Variants in KIF16B observed in about 807,000 individuals in gnomAD.
KIF16B encodes the protein kinesin-like protein KIF16B.
In KIF16B, 98 loss-of-function variants were observed where a neutral mutation model predicts 156.3. The observed-to-expected ratio is 0.63, with a 90% CI of 0.53 to 0.74. The LOEUF is 0.74. Among genes scored for constraint, KIF16B ranks in the 30% least tolerant of loss-of-function variants. The pLI, the probability that KIF16B is intolerant of heterozygous loss-of-function variation, is 0.00. For synonymous variants in KIF16B, 564 were observed against 583.7 expected, an observed-to-expected ratio of 0.97 and a Z score of 0.49; for missense variants, 1,421 against 1,606.5, an observed-to-expected ratio of 0.88 and a Z score of 1.97.
intron 1 of KIF16B, among the ~76,000 whole-genome samples, chr20:16,550,707 C>T (rs898829786): frequency 2.6e-5 from 4 of 151,516 alleles, no homozygotes; most frequent in Non-Finnish European, 5.9e-5. Context: ...CTAATTTTTT[C>T]TATTTTTTGT....
chr20:16,344,766 G>A (rs974529758), intron 23 of KIF16B, among the ~76,000 whole-genome samples: 9 of 152,168 alleles, frequency 5.9e-5, no homozygotes, highest in Admixed American at 3.9e-4. Context: ...CATTCTCTGC[G>A]ATGAGTATTT....
At chr20:16,396,483 T>C (rs2065504421) in intron 17 of KIF16B, among the ~76,000 whole-genome samples, 1 of 151,904 alleles carries the variant, frequency 6.6e-6, no homozygotes, top group Non-Finnish European at 1.5e-5. Flanking sequence ...TTAATCCATC[T>C]TGGTAAAAGA....
At chr20:16,414,982 T>C (rs773217596) in intron 15 of KIF16B, among the ~76,000 whole-genome samples, 1 of 152,146 alleles carries the variant, frequency 6.6e-6, no homozygotes, top group Non-Finnish European at 1.5e-5. Flanking sequence ...TAAGGTAGGA[T>C]AGACTAAGCT....
chr20:16,393,782 C>G (rs1448490533), intron 17 of KIF16B, among the ~76,000 whole-genome samples: 2 of 152,120 alleles, frequency 1.3e-5, no homozygotes, highest in Non-Finnish European at 2.9e-5. Flanking sequence ...AAAATTTGGA[C>G]TGAGTTTGGT....
At chr20:16,312,284 A>G (rs1461632064) in intron 25 of KIF16B, 51 bp downstream of exon 25, 13 of 1,309,946 alleles carry the variant, frequency 9.9e-6, no homozygotes, top group Non-Finnish European at 1.4e-5. Flanking sequence ...CTTACCGGTC[A>G]GATGGTACAT....
intron 17 of KIF16B, among the ~76,000 whole-genome samples, chr20:16,389,034 AAC>A (rs1440373802): frequency 6.6e-6 from 1 of 152,144 alleles, no homozygotes; most frequent in African/African-American, 2.4e-5. Context: ...ACCCCCTGGC[AAC>A]AGAGGCGGTC....
At chr20:16,404,642 T>C (rs1405687756) in intron 17 of KIF16B, among the ~76,000 whole-genome samples, 171 bp downstream of exon 17, 1 of 152,122 alleles carries the variant, frequency 6.6e-6, no homozygotes, top group Non-Finnish European at 1.5e-5. Context: ...CTAAGTAAAA[T>C]TATGCACATA....
chr20:16,349,941 T>G (rs544319870), intron 23 of KIF16B, among the ~76,000 whole-genome samples: 13 of 152,200 alleles, frequency 8.5e-5, no homozygotes, highest in Non-Finnish European at 1.9e-4. Context: ...TGCCACTGAC[T>G]GGGGTACTTG....
At chr20:16,337,271 G>T (rs572099546) in intron 23 of KIF16B, among the ~76,000 whole-genome samples, 2 of 152,056 alleles carry the variant, frequency 1.3e-5, no homozygotes, top group Non-Finnish European at 2.9e-5. Flanking sequence ...TGATTCTCCC[G>T]CAGGTAAATC....
intron 1 of KIF16B, among the ~76,000 whole-genome samples, chr20:16,545,573 G>A (rs2070375253): frequency 6.6e-6 from 1 of 152,154 alleles, no homozygotes; most frequent in Admixed American, 6.5e-5. Context: ...GCTGAGGCAG[G>A]AGAATTGCTT....
chr20:16,325,265 CA>C (rs1177973791), intron 24 of KIF16B, among the ~76,000 whole-genome samples: 3 of 151,912 alleles, frequency 2.0e-5, no homozygotes, highest in African/African-American at 7.2e-5. Context: ...TGCACACTTT[CA>C]CCAATTCTAT....
At chr20:16,373,669 T>C (rs1395695371) in intron 20 of KIF16B, among the ~76,000 whole-genome samples, 1 of 152,234 alleles carries the variant, frequency 6.6e-6, no homozygotes, top group Non-Finnish European at 1.5e-5. Flanking sequence ...CAGTTAATTC[T>C]AGGTCTTCGT....
At chr20:16,514,886 A>AC in intron 4 of KIF16B, among the ~76,000 whole-genome samples, 1 of 48,050 alleles carries the variant, frequency 2.1e-5, no homozygotes, top group Non-Finnish European at 4.4e-5. Flanking sequence ...ATTCCATCTC[A>AC]AAAAAAAAAA....
Position 16,465,401 on chromosome 20 carries a change from A to G in KIF16B, c.1302+28890T>C, listed in dbSNP as rs952374286. On this transcript the variant is annotated intron_variant, in intron 12 of 25. Coordinates refer to ENST00000354981, the MANE Select transcript of KIF16B (RefSeq NM_024704.5). ...GATGGTCAATACCAGTCCATCATGC[A>G]GCCTCTGTCCTCCGACAATGAAGCA... Among the ~76,000 whole-genome samples the G allele has an allele frequency of 3.9e-5, 6 of 152,360 alleles. No individual in the cohort carries two copies. In the East Asian group the frequency reaches 7.7e-4, roughly 20 times the overall value.
intron 12 of KIF16B, among the ~76,000 whole-genome samples, chr20:16,462,374 C>T (rs966024584): frequency 3.9e-5 from 6 of 152,190 alleles, no homozygotes; most frequent in Non-Finnish European, 7.3e-5. Context: ...CATTTCACAA[C>T]AGAAAGACTT....
At chr20:16,427,372 G>T in intron 14 of KIF16B, 131 bp from the exon 15 acceptor site, 2 of 873,344 alleles carry the variant, frequency 2.3e-6, no homozygotes, top group Non-Finnish European at 3.4e-6. Flanking sequence ...ATCATGAAGT[G>T]AACATTTATG....
chr20:16,468,017 C>G (rs1158063780), intron 12 of KIF16B, among the ~76,000 whole-genome samples: 1 of 152,038 alleles, frequency 6.6e-6, no homozygotes, highest in Non-Finnish European at 1.5e-5. Context: ...AAATATTAAT[C>G]CAACTATATT....
Position 16,569,016 on chromosome 20 carries a change from A to G in KIF16B, c.47+4213T>C, listed in dbSNP as rs376361969. Among the ~76,000 whole-genome samples, 104 of 152,112 alleles carry G rather than the reference A, an allele frequency of 6.8e-4. 1 individual carries two copies. The South Asian group carries it at 0.015, about 22-fold the overall frequency. On this transcript the variant is annotated intron_variant, in intron 1 of 25. Coordinates refer to ENST00000354981, the MANE Select transcript of KIF16B (RefSeq NM_024704.5). ...GCCTTTGGGAGGTGATTAGGTCATG[A>G]GGTCCTTGTGAATGGGATTAGTACC...
At chr20:16,515,435 G>T (rs2069112233) in intron 4 of KIF16B, 113 bp downstream of exon 4, 3 of 614,720 alleles carry the variant, frequency 4.9e-6, no homozygotes, top group East Asian at 5.3e-5. Flanking sequence ...TATTACTAAA[G>T]AATAATCAGA....
Sources: gnomAD v4.1 joint callset for allele counts (sites outside exome capture counted in the v4.1 genomes callset) on GRCh38, gnomAD v4.1.1 for gene constraint, MANE v1.5 for transcripts, NCBI Gene and HGNC (gene_info 2026-07-23, HGNC 2026-07-21) for gene names.